VWA8: variants seen among roughly 807,000 people sequenced by gnomAD.
The protein encoded by VWA8 is von Willebrand factor A domain containing 8.
A neutral mutation model predicts 241.5 loss-of-function variants in VWA8; 221 were observed. The ratio of observed to expected loss-of-function variants is 0.91; its 90% CI spans 0.82 to 1.02. The LOEUF (loss-of-function observed/expected upper bound fraction) is 1.02, where lower values mean the gene tolerates loss of function less well. Among genes scored for constraint, VWA8 ranks in the 50% least tolerant of loss-of-function variants. The probability of loss-of-function intolerance (pLI) is 0.00; values close to 1 mark genes in which losing one functional copy is unlikely to be tolerated. For synonymous variants in VWA8, 852 were observed against 827.1 expected (o/e 1.03, Z -0.52); for missense variants, 2,322 against 2,328.7 (o/e 1.00, Z 0.06).
intron 37 of VWA8, among the ~76,000 whole-genome samples, chr13:41,648,424 C>T (rs1041477626): frequency 7.2e-5 from 11 of 151,960 alleles, no homozygotes; most frequent in Non-Finnish European, 1.3e-4. Context: ...CATTATTTCC[C>T]CAGAAAAGTA....
chr13:41,637,420 G>GGGGGATAGCATTA (rs1054173599), intron 37 of VWA8, among the ~76,000 whole-genome samples: 2 of 109,206 alleles, frequency 1.8e-5, no homozygotes, highest in African/African-American at 3.5e-5. Flanking sequence ...TTGTGGGGTG[G>GGGGGATAGCATTA]GGGGAGGGGG....
chr13:41,945,000 A>G (rs573286672), intron 2 of VWA8, among the ~76,000 whole-genome samples: 1 of 152,326 alleles, frequency 6.6e-6, no homozygotes, highest in East Asian at 1.9e-4. Context: ...AAGGCCATGC[A>G]TATATTCAGG....
chr13:41,904,318 T>C (rs989143936), intron 4 of VWA8, among the ~76,000 whole-genome samples: 4 of 152,198 alleles, frequency 2.6e-5, no homozygotes, highest in African/African-American at 9.7e-5. Flanking sequence ...TTGCAAATTA[T>C]AAAATTCATT....
Position 41,816,789 on chromosome 13 carries a change from G to C in VWA8, c.1870-14C>G. 6.3e-7 allele frequency: 1 copy of C among 1,595,630 alleles called. No individual in the cohort carries two copies. The highest frequency in any genetic ancestry group is 1.1e-5 in the South Asian group (1 of 89,974). ...TACATTTGGGACCTATTTTTTGAAA[G>C]AGTTGAGGACAAACAGAAGGAATAA... On this transcript the variant is annotated splice_polypyrimidine_tract_variant and intron_variant, in intron 15 of 44. Coordinates refer to ENST00000379310, the MANE Select transcript of VWA8 (RefSeq NM_015058.2).
At position 41,761,113 on chromosome 13, in the gene VWA8, G is replaced by A. The variant is rs887633792; in HGVS notation, c.2426+15C>T. The A allele has an allele frequency of 1.2e-6, 2 of 1,607,926 alleles. No homozygotes were observed. Among genetic ancestry groups the A allele is most frequent in the Middle Eastern group, 1.7e-4 (1 of 6,018 alleles). On this transcript the variant is annotated intron_variant, in intron 21 of 44. Transcript: ENST00000379310. ...AAATGAGATTTTTAAGAGGTTGTGG[G>A]TCTAATAGTCTTACCTGTGTAGCTG...
At chr13:41,592,413 C>A (rs1399600247) in intron 40 of VWA8, among the ~76,000 whole-genome samples, 1 of 150,298 alleles carries the variant, frequency 6.7e-6, no homozygotes, top group Non-Finnish European at 1.5e-5. Context: ...CACATGTATA[C>A]ATATGTAACT....
chr13:41,805,035 C>T (rs1355523489), intron 17 of VWA8, among the ~76,000 whole-genome samples: 1 of 151,948 alleles, frequency 6.6e-6, no homozygotes, highest in Non-Finnish European at 1.5e-5. Context: ...AAACAAACAA[C>T]AAAATGGCAA....
rs1428346606 is a variant in VWA8, at chr13:41,726,636, G to A, written c.2758+558C>T. Among the ~76,000 whole-genome samples the A allele has an allele frequency of 2.0e-5, 3 of 152,234 alleles. No homozygotes were observed. In the East Asian group the frequency reaches 5.8e-4, roughly 29 times the overall value. Reference sequence around the variant, plus strand: ...GTAATGGTTTAAGAAAAAAGACTCTGGGATCAGATAGACTTAGATATGAAG... The same window carrying A: ...GTAATGGTTTAAGAAAAAAGACTCTAGGATCAGATAGACTTAGATATGAAG... On this transcript the variant is annotated intron_variant, in intron 24 of 44. Coordinates refer to ENST00000379310, the MANE Select transcript of VWA8 (RefSeq NM_015058.2).
At chr13:41,843,877 G>A (rs979609287) in intron 12 of VWA8, among the ~76,000 whole-genome samples, 18 of 152,042 alleles carry the variant, frequency 1.2e-4, no homozygotes, top group Non-Finnish European at 2.1e-4. Flanking sequence ...AACCCTGGAC[G>A]AGATGGATTC....
chr13:41,633,761 G>A (rs2044739849), intron 37 of VWA8, among the ~76,000 whole-genome samples: 4 of 152,136 alleles, frequency 2.6e-5, no homozygotes. Flanking sequence ...TTCACATAAT[G>A]ACTGTAATTA....
chr13:41,891,667 T>C, intron 4 of VWA8, 80 bp from the exon 5 acceptor site: 2 of 1,477,850 alleles, frequency 1.4e-6, no homozygotes. Flanking sequence ...AATTCAAATT[T>C]AAGTTGCAGT....
At chr13:41,867,407 A>G (rs1873363317) in intron 10 of VWA8, among the ~76,000 whole-genome samples, 1 of 152,144 alleles carries the variant, frequency 6.6e-6, no homozygotes, top group Non-Finnish European at 1.5e-5. Context: ...TCTGAACAAA[A>G]CAGAGAGTAT....
At chr13:41,656,837 A>G (rs562485370) in intron 37 of VWA8, among the ~76,000 whole-genome samples, 1 of 152,324 alleles carries the variant, frequency 6.6e-6, no homozygotes, top group Non-Finnish European at 1.5e-5. Context: ...TCTTGCTGTC[A>G]AAACCACTAA....
At chr13:41,782,377 T>C (rs1282743364) in intron 19 of VWA8, among the ~76,000 whole-genome samples, 1 of 152,212 alleles carries the variant, frequency 6.6e-6, no homozygotes, top group African/African-American at 2.4e-5. Flanking sequence ...TTGTTCTTTG[T>C]CTCTTTGTTC....
rs370060917 is a variant in VWA8 at position 41,865,824 on chromosome 13, A to G, written c.1348-11T>C. 1.3e-5 allele frequency: 21 copies of G among 1,614,056 alleles called. No individual in the cohort carries two copies. In the Admixed American group the frequency reaches 2.7e-4, roughly 20 times the overall value. ...TGTTTTTCCACAACCCTACAAATGG[A>G]AAAAATTATTCAAGAGGTAAGTCAA... On this transcript the variant is annotated splice_polypyrimidine_tract_variant and intron_variant, in intron 11 of 44. Coordinates refer to ENST00000379310, the MANE Select transcript of VWA8 (RefSeq NM_015058.2).
intron 35 of VWA8, among the ~76,000 whole-genome samples, chr13:41,680,717 G>A (rs1046684431): frequency 1.3e-5 from 2 of 152,088 alleles, no homozygotes; most frequent in Non-Finnish European, 2.9e-5. Flanking sequence ...TATGCTACTG[G>A]AACACCTTTG....
intron 10 of VWA8, among the ~76,000 whole-genome samples, chr13:41,867,100 A>G (rs1179828521): frequency 1.3e-5 from 2 of 152,216 alleles, no homozygotes; most frequent in Non-Finnish European, 2.9e-5. Flanking sequence ...AAGAGACTAG[A>G]GGCAATGAGG....
intron 17 of VWA8, among the ~76,000 whole-genome samples, chr13:41,787,833 T>C (rs1869276089): frequency 1.3e-5 from 2 of 152,168 alleles, no homozygotes; most frequent in South Asian, 4.1e-4. Context: ...AATTTAAAAT[T>C]TGCTTTCTTA....
intron 17 of VWA8, among the ~76,000 whole-genome samples, chr13:41,789,306 A>G (rs993940077): frequency 2.0e-5 from 3 of 152,160 alleles, no homozygotes; most frequent in African/African-American, 7.2e-5. Context: ...AAATAAGCAA[A>G]TAAATGAATG....
Sources: gnomAD v4.1 joint callset for allele counts (sites outside exome capture counted in the v4.1 genomes callset) on GRCh38, gnomAD v4.1.1 for gene constraint, MANE v1.5 for transcripts, NCBI Gene and HGNC (gene_info 2026-07-23, HGNC 2026-07-21) for gene names.